NGEF: variants seen among roughly 807,000 people sequenced by gnomAD.
NGEF encodes ephexin-1.
NGEF carries 31 observed loss-of-function variants against 80.9 expected under a neutral mutation model. The ratio of observed to expected loss-of-function variants is 0.38; its 90% CI spans 0.29 to 0.52. NGEF has a LOEUF of 0.52. Ranked by LOEUF, NGEF falls within the 20% of genes least tolerant of loss-of-function variation. The pLI, the probability that NGEF is intolerant of heterozygous loss-of-function variation, is 0.84. For synonymous variants in NGEF, 371 were observed against 370.2 expected (o/e 1.00, Z -0.03); for missense variants, 709 against 926.2 (o/e 0.77, Z 3.04).
rs760644498 is a variant in NGEF at position 232,920,467 on chromosome 2, C to T, written c.645G>A (p.Pro215=). 77 of 1,613,408 alleles carry T rather than the reference C, an allele frequency of 4.8e-5. No homozygotes were observed. Among genetic ancestry groups the T allele is most frequent in the Non-Finnish European group, 6.1e-5 (72 of 1,179,696 alleles). ...CCTCCTCCTCTTCTTCTTCCTCCTC[C>T]GGGGTGTCCTCACTGGCCGGGGACC... is the stretch of plus-strand genomic sequence containing the variant. ...TNGSPASEDT[P]EEEEEEEEEE... is the part of the protein sequence containing the mutation. Residue 215 remains proline, a synonymous_variant, in exon 5 of 15, where the codon CCG becomes CCA. Transcript: ENST00000264051.
At chr2:232,894,724 C>G in intron 6 of NGEF, 32 bp downstream of exon 6, 1 of 1,529,122 alleles carries the variant, frequency 6.5e-7, no homozygotes, top group Non-Finnish European at 8.9e-7. Flanking sequence ...AAGAAGGGCC[C>G]TGAGGGAGGT....
chr2:232,982,051 G>T (rs550654594), intron 1 of NGEF, among the ~76,000 whole-genome samples: 1 of 152,316 alleles, frequency 6.6e-6, no homozygotes, highest in Admixed American at 6.5e-5. Flanking sequence ...CACAGGGGAG[G>T]CCACAGCCCT....
At chr2:232,971,684 A>G (rs1694187130) in intron 2 of NGEF, among the ~76,000 whole-genome samples, 1 of 152,182 alleles carries the variant, frequency 6.6e-6, no homozygotes, top group Non-Finnish European at 1.5e-5. Context: ...GCGAGACTCC[A>G]TCTCAAACAA....
At chr2:233,004,177 A>G (rs1180886384) in intron 1 of NGEF, among the ~76,000 whole-genome samples, 1 of 152,038 alleles carries the variant, frequency 6.6e-6, no homozygotes, top group African/African-American at 2.4e-5. Context: ...TCCTTGAGAA[A>G]GCTGGAGGCT....
chr2:232,884,046 C>T lies in NGEF; in HGVS notation c.1536G>A (p.Lys512=). ...GGAAGAGGTAAATTTCGTGGAAGAG[C>T]TTCTTGGTCCTCAGGGTCCGGGAGG... ...PKTSRTLRTK[K]LFHEIYLFLF... The change falls in exon 11 of 15, where the codon AAG becomes AAA. Residue 512 remains lysine (K), a synonymous_variant. Coordinates refer to ENST00000264051, the MANE Select transcript of NGEF (RefSeq NM_019850.3). The T allele has an allele frequency of 6.2e-7, 1 of 1,612,880 alleles. No homozygotes were observed. Among genetic ancestry groups the T allele is most frequent in the Non-Finnish European group, 8.5e-7 (1 of 1,179,628 alleles).
At chr2:232,949,230 C>A (rs1470001533) in intron 3 of NGEF, among the ~76,000 whole-genome samples, 1 of 152,184 alleles carries the variant, frequency 6.6e-6, no homozygotes, top group Non-Finnish European at 1.5e-5. Flanking sequence ...CTTTTGTTCA[C>A]TGCTAAATCC....
chr2:232,901,454 C>T (rs1207699996), intron 5 of NGEF: 2 of 985,294 alleles, frequency 2.0e-6, no homozygotes, highest in African/African-American at 3.5e-5. Context: ...TTCTCCCGAC[C>T]CCTGTGTTAA....
intron 3 of NGEF, among the ~76,000 whole-genome samples, chr2:232,939,300 C>T (rs534893024): frequency 6.6e-6 from 1 of 151,814 alleles, no homozygotes; most frequent in African/African-American, 2.4e-5. Context: ...TAATGTAGTT[C>T]CATATTAGTG....
intron 1 of NGEF, among the ~76,000 whole-genome samples, chr2:232,993,154 A>AT (rs1559238295): frequency 1.3e-3 from 76 of 59,490 alleles, no homozygotes; most frequent in African/African-American, 6.0e-3. Context: ...TATATGGGCA[A>AT]ATATATATAT....
Position 232,983,271 on chromosome 2 carries a change from GT to G in NGEF, c.-74-8308del, listed in dbSNP as rs201591351. The stretch of plus-strand genomic sequence containing the variant: ...AGCCTAGAAAGTTCTGTACCTGGGG[GT>G]GGGGGGAGCCCCTACTACGCCGTGG... On this transcript the variant is annotated intron_variant, in intron 1 of 14. Coordinates refer to ENST00000264051, the MANE Select transcript of NGEF (RefSeq NM_019850.3). Among the ~76,000 whole-genome samples the G allele has an allele frequency of 1.4e-4, 21 of 152,262 alleles. No homozygotes were observed. In the East Asian group the frequency reaches 4.1e-3, roughly 29 times the overall value.
chr2:232,907,154 T>A (rs1575009222), intron 5 of NGEF, among the ~76,000 whole-genome samples: 3 of 40,720 alleles, frequency 7.4e-5, no homozygotes, highest in African/African-American at 2.0e-4. Context: ...CCAAGAATGA[T>A]CAATTAAAAA....
chr2:232,918,653 T>A (rs1161918051), intron 5 of NGEF, among the ~76,000 whole-genome samples: 2 of 144,492 alleles, frequency 1.4e-5, no homozygotes, highest in Admixed American at 1.4e-4. Context: ...TTTTTTTTTT[T>A]AGACGGAGTC....
chr2:232,927,383 G>T (rs1344070098), intron 3 of NGEF, among the ~76,000 whole-genome samples, 197 bp from the exon 4 acceptor site: 2 of 152,130 alleles, frequency 1.3e-5, no homozygotes, highest in Admixed American at 1.3e-4. Flanking sequence ...ACCGCACCAG[G>T]GCGCGACCGG....
chr2:232,891,771 C>A (rs1330360650), intron 7 of NGEF, among the ~76,000 whole-genome samples: 1 of 152,174 alleles, frequency 6.6e-6, no homozygotes, highest in Non-Finnish European at 1.5e-5. Flanking sequence ...ATCAGATGCA[C>A]AATTAGATGA....
chr2:232,933,335 C>T (rs374472079), intron 3 of NGEF, among the ~76,000 whole-genome samples: 1 of 152,018 alleles, frequency 6.6e-6, no homozygotes, highest in Non-Finnish European at 1.5e-5. Context: ...CCCAGCTCCC[C>T]TCTCCAGCAG....
Position 232,884,067 on chromosome 2 carries a change from G to A in NGEF, c.1515C>T (p.Ser505=), listed in dbSNP as rs754088514. The change falls in exon 11 of 15, where the codon TCC becomes TCT. Residue 505 remains serine (S), a synonymous_variant. Coordinates refer to ENST00000264051, the MANE Select transcript of NGEF (RefSeq NM_019850.3). ...ELQQMSGPKT[S]RTLRTKKLFH... is the part of the protein sequence containing the mutation. Reference sequence around the variant, plus strand: ...AGAGCTTCTTGGTCCTCAGGGTCCGGGAGGTCTTGGGGCCTGACATCTGCT... The same window carrying A: ...AGAGCTTCTTGGTCCTCAGGGTCCGAGAGGTCTTGGGGCCTGACATCTGCT... 22 of 1,612,844 alleles carry A rather than the reference G, an allele frequency of 1.4e-5. No homozygotes were observed. Among genetic ancestry groups the A allele is most frequent in the Non-Finnish European group, 1.8e-5 (21 of 1,179,738 alleles).
intron 13 of NGEF, 90 bp from the exon 14 acceptor site, chr2:232,881,340 T>C (rs765738217): frequency 2.4e-5 from 23 of 952,728 alleles, no homozygotes; most frequent in Admixed American, 1.2e-4. Flanking sequence ...CTGCCTAGAA[T>C]AGGAAAACTC....
intron 3 of NGEF, among the ~76,000 whole-genome samples, chr2:232,955,202 C>T (rs1693796613): frequency 6.6e-6 from 1 of 152,052 alleles, no homozygotes; most frequent in African/African-American, 2.4e-5. Flanking sequence ...GTACAAATAA[C>T]TTTTTAGAAA....
At chr2:232,968,697 G>A (rs910844581) in intron 3 of NGEF, among the ~76,000 whole-genome samples, 32 of 152,172 alleles carry the variant, frequency 2.1e-4, no homozygotes, top group Middle Eastern at 3.4e-3. Flanking sequence ...GAGCCACTGC[G>A]CCTGGCCCAG....
Sources: allele counts gnomAD v4.1 joint callset (sites outside exome capture counted in the v4.1 genomes callset), GRCh38; gene constraint gnomAD v4.1.1; transcripts MANE v1.5; gene names NCBI Gene and HGNC (gene_info 2026-07-23, HGNC 2026-07-21).